HGSNAT: variants seen among roughly 807,000 people sequenced by gnomAD.
The protein encoded by HGSNAT is transmembrane protein 76.
Under a neutral mutation model 85.2 loss-of-function variants are expected in HGSNAT, and 59 were observed. That is an observed-to-expected ratio of 0.69 (90% CI 0.56 to 0.86). The LOEUF is 0.86. Ranked by LOEUF, HGSNAT falls within the 40% of genes least tolerant of loss-of-function variation. HGSNAT has a pLI of 0.00. For missense variants in HGSNAT, 756 were observed against 777.1 expected (o/e 0.97, Z 0.32); for synonymous variants, 321 against 304.5 (o/e 1.05, Z -0.56).
chr8:43,146,467 T>G (rs1802715843), intron 1 of HGSNAT, among the ~76,000 whole-genome samples: 1 of 152,200 alleles, frequency 6.6e-6, no homozygotes, highest in Non-Finnish European at 1.5e-5. Flanking sequence ...ATTGGGTTCA[T>G]ATCAATTATT....
chr8:43,179,636 G>C (rs1803971168), intron 10 of HGSNAT, among the ~76,000 whole-genome samples: 1 of 31,298 alleles, frequency 3.2e-5, no homozygotes, highest in African/African-American at 1.6e-4. Context: ...TCACCTCCCG[G>C]ACGGGGCGAC....
At chr8:43,173,565 C>A in intron 8 of HGSNAT, 148 bp from the exon 9 acceptor site, 1 of 827,560 alleles carries the variant, frequency 1.2e-6, no homozygotes, top group Non-Finnish European at 2.0e-6. Flanking sequence ...TCGCCTCGGC[C>A]CCCACAAAGT....
chr8:43,175,554 CCT>C (rs1803778871), intron 9 of HGSNAT, among the ~76,000 whole-genome samples: 1 of 137,974 alleles, frequency 7.2e-6, no homozygotes, highest in Non-Finnish European at 1.6e-5. Flanking sequence ...GATCTTTTGT[CCT>C]CTTTTTTTTT....
At position 43,147,034 on chromosome 8, in the gene HGSNAT, G is replaced by A. The variant is rs202001245; in HGVS notation, c.205G>A (p.Val69Ile). Residue 69 changes from valine to isoleucine, a missense_variant, in exon 2 of 18, where the codon GTC (valine) becomes ATC (isoleucine). Transcript: ENST00000379644. Reference protein sequence around the residue: ...HNELLWTNLTVYWKSECCYHC... With the variant: ...HNELLWTNLTIYWKSECCYHC... ...TGAACTTCTCTGGACCAACTTGACC[G>A]TCTACTGGAAATCTGAATGCTGTTA... 222 of 1,603,414 alleles carry A rather than the reference G, an allele frequency of 1.4e-4. 1 individual carries two copies. The East Asian group carries it at 4.0e-3, about 29-fold the overall frequency.
chr8:43,172,395 T>G lies in HGSNAT; in HGVS notation c.820+9T>G. ...ACATGCAAGTTGGAATGGTAAGATA[T>G]TTCCTAAAAGTAATGTTGCTTATAT... On this transcript the variant is annotated intron_variant, in intron 8 of 17. Coordinates refer to ENST00000379644, the MANE Select transcript of HGSNAT (RefSeq NM_152419.3). The G allele has an allele frequency of 6.3e-7, 1 of 1,579,644 alleles. No individual in the cohort carries two copies. The highest frequency in any genetic ancestry group is 8.7e-7 in the Non-Finnish European group (1 of 1,148,828).
At chr8:43,183,193 G>T (rs973414568) in intron 11 of HGSNAT, among the ~76,000 whole-genome samples, 8 of 152,290 alleles carry the variant, frequency 5.3e-5, no homozygotes, top group South Asian at 2.1e-4. Context: ...TGGAGACAGG[G>T]TCTCACTCTG....
In HGSNAT at chr8:43,177,337, G is replaced by A. The variant is rs181526077; in HGVS notation, c.852-737G>A. On this transcript the variant is annotated intron_variant, in intron 9 of 17. Coordinates refer to ENST00000379644, the MANE Select transcript of HGSNAT (RefSeq NM_152419.3). ...GAGGCCGAGGCGGGCGGATCACAAG[G>A]TCGGGAGATTGAGACCATCCTGGCT... is the stretch of plus-strand genomic sequence containing the variant. 4.3e-3 allele frequency among the ~76,000 whole-genome samples: 651 copies of A among 151,952 alleles called. 10 individuals carry two copies. The highest frequency in any genetic ancestry group is 0.014 in the Middle Eastern group (4 of 294).
intron 5 of HGSNAT, among the ~76,000 whole-genome samples, chr8:43,161,816 C>A (rs1290048141): frequency 6.6e-6 from 1 of 152,222 alleles, no homozygotes; most frequent in African/African-American, 2.4e-5. Flanking sequence ...GCAGAAGTGG[C>A]TCATGACAAT....
intron 9 of HGSNAT, among the ~76,000 whole-genome samples, chr8:43,175,674 T>C (rs1803786480): frequency 6.6e-6 from 1 of 150,896 alleles, no homozygotes; most frequent in Admixed American, 6.6e-5. Flanking sequence ...CCAGCGATTC[T>C]TCTGCCTCAG....
Position 43,201,369 on chromosome 8 carries a change from C to T in HGSNAT, c.*1800C>T, listed in dbSNP as rs1013601390. 2 of 152,740 alleles carry T rather than the reference C, an allele frequency of 1.3e-5. No homozygotes were observed. The highest frequency in any genetic ancestry group is 2.4e-5 in the African/African-American group (1 of 41,408). The allele number at this position is 152,740 out of a possible 1,614,324, so 9.5% of individuals were successfully genotyped here. On this transcript the variant is annotated 3_prime_UTR_variant, in exon 18 of 18. Transcript: ENST00000379644. The surrounding 1 kb of genome is among the most constrained non-coding windows in gnomAD (Gnocchi z 4.4). ...CTCCCCTCCCACTCCACTCCCTGCTCTCTCCTCCACCTCCCCATCCTCTTG... is the reference window on the plus strand; with the variant it reads ...CTCCCCTCCCACTCCACTCCCTGCTTTCTCCTCCACCTCCCCATCCTCTTG...
intron 11 of HGSNAT, among the ~76,000 whole-genome samples, chr8:43,188,486 G>C (rs1804402795): frequency 6.6e-6 from 1 of 152,140 alleles, no homozygotes; most frequent in Non-Finnish European, 1.5e-5. Flanking sequence ...ACAGTTTTCA[G>C]CTCCATCAGG....
rs74795999 is a variant in HGSNAT, at chr8:43,191,602, G to C, written c.1250+7G>C. 1 of 1,613,602 alleles carries C rather than the reference G, an allele frequency of 6.2e-7. No individual in the cohort carries two copies. The highest frequency in any genetic ancestry group is 8.5e-7 in the Non-Finnish European group (1 of 1,179,680). ...CAGTCCCTGGGTGCCCTACGTAAGC[G>C]AACCCCTGGGGGTCATCCCTTGTGC... On this transcript the variant is annotated splice_region_variant and intron_variant, in intron 12 of 17. Coordinates refer to ENST00000379644, the MANE Select transcript of HGSNAT (RefSeq NM_152419.3).
rs931166859 is a variant in HGSNAT, at chr8:43,146,874, G to A, written c.119-74G>A. 23 of 814,582 alleles carry A rather than the reference G, an allele frequency of 2.8e-5. No homozygotes were observed. In the African/African-American group the frequency reaches 3.5e-4, roughly 12 times the overall value. 50.5% of individuals were successfully genotyped at this position (814,582 alleles called of 1,614,324 possible). A position where few individuals can be genotyped will look rare whatever the true frequency, so the allele number is the denominator to read the frequency against. Reference sequence around the variant, plus strand: ...CACTACTGGAAGCAACTGTTCACACGAATGTACTTTGTCTCTAACACATCT... The same window carrying A: ...CACTACTGGAAGCAACTGTTCACACAAATGTACTTTGTCTCTAACACATCT... On this transcript the variant is annotated intron_variant, in intron 1 of 17. Coordinates refer to ENST00000379644, the MANE Select transcript of HGSNAT (RefSeq NM_152419.3).
intron 7 of HGSNAT, among the ~76,000 whole-genome samples, chr8:43,172,076 A>G (rs1358694143): frequency 6.6e-6 from 1 of 152,236 alleles, no homozygotes; most frequent in Non-Finnish European, 1.5e-5. Flanking sequence ...CACTTTGGTT[A>G]AGACATCATG....
At chr8:43,175,882 A>T (rs1197893012) in intron 9 of HGSNAT, among the ~76,000 whole-genome samples, 3 of 151,564 alleles carry the variant, frequency 2.0e-5, no homozygotes, top group African/African-American at 7.3e-5. Flanking sequence ...ATCCATTTTT[A>T]ATTGGATTAT....
chr8:43,154,622 C>G (rs537700893), intron 2 of HGSNAT, among the ~76,000 whole-genome samples: 75 of 152,160 alleles, frequency 4.9e-4, no homozygotes, highest in African/African-American at 1.8e-3. Context: ...GGTTCCAAGT[C>G]TTTGCTATTG....
Position 43,172,509 on chromosome 8 carries a change from C to T in HGSNAT, c.820+123C>T, listed in dbSNP as rs11998092. On this transcript the variant is annotated intron_variant, in intron 8 of 17. Coordinates refer to ENST00000379644, the MANE Select transcript of HGSNAT (RefSeq NM_152419.3). ...TGAGCCCCAGCAGCCTCCTCTGAGC[C>T]ACTGAGCTCCTGCTCCCTCCTAGGG... 6,484 of 685,678 alleles carry T rather than the reference C, an allele frequency of 9.5e-3. 306 individuals are homozygous for T. In the African/African-American group the frequency reaches 0.11, roughly 11 times the overall value. The allele number at this position is 685,678 out of a possible 1,614,324, so 42.5% of individuals were successfully genotyped here.
intron 11 of HGSNAT, among the ~76,000 whole-genome samples, chr8:43,188,214 C>T (rs959619797): frequency 5.3e-5 from 8 of 152,154 alleles, no homozygotes; most frequent in African/African-American, 1.9e-4. Flanking sequence ...CGGAAGTTCT[C>T]CTAGATAATA....
chr8:43,189,973 A>AT (rs1359118798), intron 11 of HGSNAT, among the ~76,000 whole-genome samples: 3 of 152,142 alleles, frequency 2.0e-5, no homozygotes, highest in Admixed American at 6.5e-5. Flanking sequence ...CATTATTGCG[A>AT]TTTTTTCAAT....
Sources: allele counts gnomAD v4.1 joint callset (sites outside exome capture counted in the v4.1 genomes callset), GRCh38; gene constraint gnomAD v4.1.1; non-coding constraint Gnocchi (gnomAD v3.1); transcripts MANE v1.5; gene names NCBI Gene and HGNC (gene_info 2026-07-23, HGNC 2026-07-21).